Variants in DCC observed in about 807,000 individuals in gnomAD.
DCC encodes the protein DCC netrin 1 receptor.
A neutral mutation model predicts 172.5 loss-of-function variants in DCC; 58 were observed. That is an observed-to-expected ratio of 0.34 (90% CI 0.27 to 0.42). The LOEUF is 0.42. Ranked by LOEUF, DCC falls within the 10% of genes least tolerant of loss-of-function variation. The pLI is 1.00. For missense variants in DCC, 1,740 were observed against 1,791.0 expected (o/e 0.97, Z 0.51); for synonymous variants, 709 against 644.5 (o/e 1.10, Z -1.52).
At chr18:52,758,533 A>C (rs1417526517) in intron 2 of DCC, among the ~76,000 whole-genome samples, 2 of 152,172 alleles carry the variant, frequency 1.3e-5, no homozygotes, top group African/African-American at 4.8e-5. Context: ...GAGTTGTTTC[A>C]GTGAATTCTC....
At chr18:52,976,149 A>G (rs2041113661) in intron 5 of DCC, among the ~76,000 whole-genome samples, 1 of 151,396 alleles carries the variant, frequency 6.6e-6, no homozygotes, top group South Asian at 2.1e-4. Flanking sequence ...CTGCATGTAT[A>G]TCTTCTTTTG....
chr18:52,695,422 C>A (rs140538624), intron 1 of DCC, among the ~76,000 whole-genome samples: 2 of 152,256 alleles, frequency 1.3e-5, no homozygotes, highest in East Asian at 1.9e-4. Flanking sequence ...GGTTGAAGAG[C>A]AGAATCTTGG....
rs375550476 is a variant in DCC at position 53,459,228 on chromosome 18, A to G, written c.3393-4A>G. The G allele has an allele frequency of 1.7e-5, 28 of 1,613,108 alleles. No homozygotes were observed. The South Asian group carries it at 2.9e-4, about 16-fold the overall frequency. On this transcript the variant is annotated splice_region_variant and splice_polypyrimidine_tract_variant and intron_variant, in intron 23 of 28. Coordinates refer to ENST00000442544, the MANE Select transcript of DCC (RefSeq NM_005215.4). ...CACATTTGCCTTCTAACTTTGTTCC[A>G]TAGGAAACGGGCCACCCACAGTGCT...
intron 12 of DCC, among the ~76,000 whole-genome samples, chr18:53,283,901 A>G (rs1050009464): frequency 8.2e-5 from 4 of 48,664 alleles, no homozygotes; most frequent in South Asian, 7.2e-4. Flanking sequence ...TTTAAGTTCT[A>G]GGGAGCTAAA....
intron 15 of DCC, among the ~76,000 whole-genome samples, chr18:53,354,969 A>T (rs541118202): frequency 4.1e-4 from 63 of 152,066 alleles, no homozygotes; most frequent in African/African-American, 1.5e-3. Flanking sequence ...TAAGGAAGGG[A>T]TCCGGTTTCA....
chr18:52,622,735 C>T (rs1360266407), intron 1 of DCC, among the ~76,000 whole-genome samples: 1 of 152,196 alleles, frequency 6.6e-6, no homozygotes, highest in Non-Finnish European at 1.5e-5. Flanking sequence ...ATAGATGTAT[C>T]CACATGGCTG....
chr18:53,138,370 AATTAGCT>A (rs2043778613), intron 7 of DCC, among the ~76,000 whole-genome samples: 1 of 152,218 alleles, frequency 6.6e-6, no homozygotes, highest in African/African-American at 2.4e-5. Context: ...GTATTTTAAT[AATTAGCT>A]ATTCAAATTA....
chr18:53,270,415 A>G (rs2056735722), intron 12 of DCC, among the ~76,000 whole-genome samples: 1 of 152,148 alleles, frequency 6.6e-6, no homozygotes, highest in African/African-American at 2.4e-5. Context: ...GGAAGAATAG[A>G]GTATTCAAAA....
At chr18:53,037,403 A>G (rs899331498) in intron 5 of DCC, among the ~76,000 whole-genome samples, 3 of 152,014 alleles carry the variant, frequency 2.0e-5, no homozygotes, top group Non-Finnish European at 4.4e-5. Context: ...TTAATAAGGC[A>G]CAATGTCCAC....
chr18:52,616,745 T>C (rs2034389166), intron 1 of DCC, among the ~76,000 whole-genome samples: 1 of 152,058 alleles, frequency 6.6e-6, no homozygotes, highest in African/African-American at 2.4e-5. Context: ...CTAAAGCAAT[T>C]GAGAAAAAGG....
intron 1 of DCC, among the ~76,000 whole-genome samples, chr18:52,420,557 G>A (rs1464514858): frequency 6.6e-6 from 1 of 152,102 alleles, no homozygotes; most frequent in Non-Finnish European, 1.5e-5. Flanking sequence ...AGTTTGAGAA[G>A]CTCTCATTTA....
chr18:53,228,650 C>A (rs574233311), intron 12 of DCC, among the ~76,000 whole-genome samples: 14 of 152,080 alleles, frequency 9.2e-5, no homozygotes, highest in Non-Finnish European at 2.1e-4. Flanking sequence ...GAAGGTTGGG[C>A]ATTTTCTGAC....
intron 5 of DCC, among the ~76,000 whole-genome samples, chr18:52,990,185 T>C (rs967546514): frequency 6.6e-6 from 1 of 152,148 alleles, no homozygotes; most frequent in Non-Finnish European, 1.5e-5. Flanking sequence ...TCCTAAGCAG[T>C]GATCTTTTCT....
At chr18:53,314,185 C>A (rs546870412) in intron 13 of DCC, among the ~76,000 whole-genome samples, 1 of 152,212 alleles carries the variant, frequency 6.6e-6, no homozygotes, top group Non-Finnish European at 1.5e-5. Context: ...AGAAGCAGGG[C>A]CACCTGAAAC....
intron 9 of DCC, among the ~76,000 whole-genome samples, chr18:53,181,351 A>G (rs2144487068): frequency 6.6e-6 from 1 of 151,322 alleles, no homozygotes; most frequent in South Asian, 2.1e-4. Flanking sequence ...CTTGATCAAT[A>G]CTATTGTTTC....
intron 5 of DCC, among the ~76,000 whole-genome samples, chr18:52,976,468 C>A (rs185087728): frequency 7.2e-4 from 110 of 152,128 alleles, no homozygotes; most frequent in Middle Eastern, 6.8e-3. Context: ...GGACCCCACT[C>A]GTTATCCTTC....
chr18:52,755,646 A>G (rs1330812700), intron 2 of DCC, among the ~76,000 whole-genome samples: 1 of 152,160 alleles, frequency 6.6e-6, no homozygotes, highest in Non-Finnish European at 1.5e-5. Flanking sequence ...ACCTGATTTA[A>G]TCTCAGTTTT....
intron 27 of DCC, among the ~76,000 whole-genome samples, chr18:53,514,977 C>T (rs1480294723): frequency 6.6e-6 from 1 of 151,142 alleles, no homozygotes; most frequent in South Asian, 2.1e-4. Context: ...GATACCAAAG[C>T]CAGGCAGAGA....
chr18:53,309,287 C>T lies in DCC; in HGVS notation c.2053+3568C>T, dbSNP rs143564216. Reference sequence around the variant, plus strand: ...CTCTTGGCCTCAAGTCATTCTCCCTCCACAGCCTCCCAAAGTGCTAGGATT... The same window carrying T: ...CTCTTGGCCTCAAGTCATTCTCCCTTCACAGCCTCCCAAAGTGCTAGGATT... On this transcript the variant is annotated intron_variant, in intron 13 of 28. Coordinates refer to ENST00000442544, the MANE Select transcript of DCC (RefSeq NM_005215.4). 2.5e-3 allele frequency among the ~76,000 whole-genome samples: 378 copies of T among 152,248 alleles called. 3 individuals carry two copies. In the East Asian group the frequency reaches 0.032, roughly 13 times the overall value.
Sources: gnomAD v4.1 joint callset for allele counts (sites outside exome capture counted in the v4.1 genomes callset) on GRCh38, gnomAD v4.1.1 for gene constraint, MANE v1.5 for transcripts, NCBI Gene and HGNC (gene_info 2026-07-23, HGNC 2026-07-21) for gene names.